ULK4: variants seen among roughly 807,000 people sequenced by gnomAD.
The protein encoded by ULK4 is inactive serine/threonine-protein kinase ULK4.
A neutral mutation model predicts 160.6 loss-of-function variants in ULK4; 133 were observed. The observed-to-expected ratio is 0.83, with a 90% confidence interval of 0.72 to 0.96. The LOEUF is 0.96. Among genes scored for constraint, ULK4 ranks in the 40% least tolerant of loss-of-function variants. The pLI is 0.00. For missense variants in ULK4, 1,580 were observed against 1,499.5 expected (o/e 1.05, Z -0.89); for synonymous variants, 534 against 539.8 (o/e 0.99, Z 0.15).
intron 35 of ULK4, among the ~76,000 whole-genome samples, chr3:41,360,965 C>T (rs2081130900): frequency 6.6e-6 from 1 of 151,944 alleles, no homozygotes; most frequent in South Asian, 2.1e-4. Context: ...AGGAAAAAAA[C>T]AGATGGGTGA....
At chr3:41,807,599 G>A (rs2040688750) in intron 19 of ULK4, among the ~76,000 whole-genome samples, 1 of 152,118 alleles carries the variant, frequency 6.6e-6, no homozygotes. Flanking sequence ...AGAATTAAAT[G>A]AGATAGCACA....
chr3:41,533,197 C>T (rs988130981), intron 32 of ULK4, among the ~76,000 whole-genome samples: 5 of 151,432 alleles, frequency 3.3e-5, no homozygotes, highest in Non-Finnish European at 7.4e-5. Flanking sequence ...CAACACACCA[C>T]GGAGCCCAGA....
At chr3:41,924,407 G>A (rs1442544636) in intron 5 of ULK4, among the ~76,000 whole-genome samples, 2 of 152,192 alleles carry the variant, frequency 1.3e-5, no homozygotes, top group African/African-American at 2.4e-5. Context: ...TGCTGGTTAC[G>A]AAAGCGTCCT....
At chr3:41,844,251 A>G (rs1039480838) in intron 17 of ULK4, among the ~76,000 whole-genome samples, 1 of 152,072 alleles carries the variant, frequency 6.6e-6, no homozygotes, top group Non-Finnish European at 1.5e-5. Context: ...CGGGCTGCAC[A>G]GGAGCCCGCG....
chr3:41,696,527 C>T (rs2036507908), intron 27 of ULK4, among the ~76,000 whole-genome samples: 1 of 152,116 alleles, frequency 6.6e-6, no homozygotes, highest in South Asian at 2.1e-4. Flanking sequence ...GCCAGACATT[C>T]GGGGCCATTA....
At chr3:41,390,405 C>G (rs964948887) in intron 35 of ULK4, among the ~76,000 whole-genome samples, 8 of 152,246 alleles carry the variant, frequency 5.3e-5, no homozygotes, top group Admixed American at 3.3e-4. Flanking sequence ...TTGCCTTCTG[C>G]TAGCTTTCGA....
At chr3:41,869,437 C>T (rs1410572388) in intron 17 of ULK4, among the ~76,000 whole-genome samples, 15 of 151,888 alleles carry the variant, frequency 9.9e-5, no homozygotes, top group Non-Finnish European at 1.8e-4. Context: ...AAAAATTAGC[C>T]GGGCATGGTG....
intron 34 of ULK4, among the ~76,000 whole-genome samples, chr3:41,417,115 C>A (rs550236116): frequency 6.6e-6 from 1 of 152,172 alleles, no homozygotes; most frequent in Non-Finnish European, 1.5e-5. Flanking sequence ...TGCCTCTACG[C>A]ACGTGAGAGA....
chr3:41,409,943 G>A (rs9843101), intron 34 of ULK4, among the ~76,000 whole-genome samples: 21,112 of 124,044 alleles, frequency 0.17, 1,745 homozygotes, highest in Admixed American at 0.21. Flanking sequence ...AGCGAGACCC[G>A]GTCTCAAAAA....
At chr3:41,476,435 G>C (rs554690087) in intron 32 of ULK4, among the ~76,000 whole-genome samples, 4 of 152,256 alleles carry the variant, frequency 2.6e-5, no homozygotes, top group South Asian at 2.1e-4. Context: ...AAGAGATGCA[G>C]GGAAGTTCAA....
intron 33 of ULK4, among the ~76,000 whole-genome samples, chr3:41,462,845 T>G (rs553885017): frequency 7.9e-5 from 12 of 152,302 alleles, no homozygotes; most frequent in Admixed American, 7.8e-4. Flanking sequence ...GTTTCCCAAC[T>G]AATGCTTGCT....
intron 18 of ULK4, among the ~76,000 whole-genome samples, chr3:41,819,880 T>G (rs1174565532): frequency 3.3e-5 from 5 of 152,174 alleles, no homozygotes; most frequent in East Asian, 3.8e-4. Flanking sequence ...CTGGAATGAT[T>G]TGAAAGCATA....
At chr3:41,305,877 G>A (rs1204442027) in intron 35 of ULK4, among the ~76,000 whole-genome samples, 62 of 139,932 alleles carry the variant, frequency 4.4e-4, no homozygotes, top group Middle Eastern at 4.9e-3. Flanking sequence ...CCCCCGCCCC[G>A]TCTGGGATGT....
Position 41,717,864 on chromosome 3 carries a change from A to G in ULK4, c.2322-3T>C. The G allele has an allele frequency of 6.2e-7, 1 of 1,613,576 alleles. No individual in the cohort carries two copies. Among genetic ancestry groups the G allele is most frequent in the Non-Finnish European group, 8.5e-7 (1 of 1,179,656 alleles). On this transcript the variant is annotated splice_polypyrimidine_tract_variant and splice_region_variant and intron_variant, in intron 22 of 36. Transcript: ENST00000301831. ...CTCTCTCGATGTACATCACCAGTCT[A>G]CATACAGGAAAGTGCAAAGATTACC...
In ULK4 at chr3:41,900,598, A is replaced by G. The variant is rs1203755013; in HGVS notation, c.1287+127T>C. On this transcript the variant is annotated intron_variant, in intron 13 of 36. Transcript: ENST00000301831. ...CTGCAAATGCAGACATGCAGCACAA[A>G]TGACACAGAAGCAGACAAGAGAAAC... 3.9e-6 allele frequency: 3 copies of G among 776,328 alleles called. No homozygotes were observed. In the African/African-American group the frequency reaches 5.2e-5, roughly 14 times the overall value. 48.1% of individuals were successfully genotyped at this position (776,328 alleles called of 1,614,324 possible). A position where few individuals can be genotyped will look rare whatever the true frequency, so the allele number is the denominator to read the frequency against.
At chr3:41,469,602 C>CAAAAAAAAAAAAAAAAAAAA (rs71616008) in intron 32 of ULK4, among the ~76,000 whole-genome samples, 24 of 11,312 alleles carry the variant, frequency 2.1e-3, no homozygotes, top group African/African-American at 2.5e-3. Context: ...CTACACCTGC[C>CAAAAAAAAAAAAAAAAAAAA]AAAAAAAAAA....
At chr3:41,595,613 G>A (rs977661208) in intron 31 of ULK4, among the ~76,000 whole-genome samples, 1 of 152,182 alleles carries the variant, frequency 6.6e-6, no homozygotes, top group African/African-American at 2.4e-5. Context: ...AGTTGTACTA[G>A]GGAGGTGGGA....
chr3:41,848,300 G>A (rs2042120893), intron 17 of ULK4, among the ~76,000 whole-genome samples: 1 of 152,096 alleles, frequency 6.6e-6, no homozygotes, highest in Non-Finnish European at 1.5e-5. Flanking sequence ...TAAAAAGTTT[G>A]GAGATACTAG....
rs1398611595 is a variant in ULK4 at position 41,443,235 on chromosome 3, T to G, written c.3492+12262A>C. ...TTTCAATAATCCTACAGTCAGCTCT[T>G]TCTTCTGTAACTCCACTTACATTCC... is the stretch of plus-strand genomic sequence containing the variant. On this transcript the variant is annotated intron_variant, in intron 34 of 36. Transcript: ENST00000301831. Among the ~76,000 whole-genome samples the G allele has an allele frequency of 5.3e-5, 8 of 152,346 alleles. No homozygotes were observed. In the East Asian group the frequency reaches 9.6e-4, roughly 18 times the overall value.
Sources: gnomAD v4.1 joint callset for allele counts (sites outside exome capture counted in the v4.1 genomes callset) on GRCh38, gnomAD v4.1.1 for gene constraint, MANE v1.5 for transcripts, NCBI Gene and HGNC (gene_info 2026-07-23, HGNC 2026-07-21) for gene names.